COL21A1: variants seen among roughly 807,000 people sequenced by gnomAD.
COL21A1 encodes collagen alpha-1(XXI) chain.
COL21A1 carries 149 observed loss-of-function variants against 137.9 expected under a neutral mutation model. The observed-to-expected ratio is 1.08, with a 90% CI of 0.95 to 1.24. The LOEUF (loss-of-function observed/expected upper bound fraction) is 1.24, where lower values mean the gene tolerates loss of function less well. Among genes scored for constraint, COL21A1 ranks in the 50% most tolerant of loss-of-function variants. COL21A1 has a pLI of 0.00. For synonymous variants in COL21A1, 456 were observed against 391.5 expected (o/e 1.16, Z -1.95); for missense variants, 1,167 against 1,158.4 (o/e 1.01, Z -0.11).
Position 56,077,510 on chromosome 6 carries a change from A to G in COL21A1, c.1857+19T>C, listed in dbSNP as rs1303344682. ...AATGAGCAGATCCAGGCCCAAAGCT[A>G]ACTCTCATGAATACTTACCTTTTGG... On this transcript the variant is annotated intron_variant, in intron 18 of 29. Coordinates refer to ENST00000244728, the MANE Select transcript of COL21A1 (RefSeq NM_030820.4). The G allele has an allele frequency of 6.4e-7, 1 of 1,552,942 alleles. No individual in the cohort carries two copies. The highest frequency in any genetic ancestry group is 1.2e-5 in the South Asian group (1 of 83,840).
At chr6:56,379,107 C>A (rs778341873) in intron 1 of COL21A1, among the ~76,000 whole-genome samples, 1 of 152,114 alleles carries the variant, frequency 6.6e-6, no homozygotes. Context: ...CCAAGAAGGG[C>A]GGGTACAAAC....
intron 1 of COL21A1, among the ~76,000 whole-genome samples, chr6:56,321,323 G>A (rs1764862061): frequency 6.6e-6 from 1 of 152,124 alleles, no homozygotes; most frequent in Non-Finnish European, 1.5e-5. Context: ...AAAAAATTGG[G>A]TTCTCTAGGT....
intron 10 of COL21A1, among the ~76,000 whole-genome samples, chr6:56,151,895 G>A (rs1334970181): frequency 6.6e-6 from 1 of 152,080 alleles, no homozygotes; most frequent in African/African-American, 2.4e-5. Flanking sequence ...ACCACCCAAC[G>A]TCACATTCCC....
chr6:56,231,411 T>C (rs963846458), intron 1 of COL21A1, among the ~76,000 whole-genome samples: 1 of 151,820 alleles, frequency 6.6e-6, no homozygotes, highest in African/African-American at 2.4e-5. Context: ...GTTATTCAGC[T>C]AGGTGTGGGT....
In COL21A1 at chr6:56,355,651, T is replaced by C. The variant is rs79083481; in HGVS notation, c.-39+38320A>G. ...GGTATGATAATGGTATTGTGATTTT[T>C]AAGAGTCCTGTCTTTCAGAAACAAG... On this transcript the variant is annotated intron_variant, in intron 1 of 28. Coordinates refer to the COL21A1 transcript ENST00000370819. Among the ~76,000 whole-genome samples the C allele has an allele frequency of 4.2e-3, 639 of 152,344 alleles. 3 individuals are homozygous for C. The highest frequency in any genetic ancestry group is 0.015 in the African/African-American group (604 of 41,578).
chr6:56,301,116 G>T (rs938788557), intron 1 of COL21A1, among the ~76,000 whole-genome samples: 4 of 152,182 alleles, frequency 2.6e-5, no homozygotes, highest in African/African-American at 2.4e-5. Context: ...GTTTCCCAAA[G>T]ATGTCCACAT....
intron 1 of COL21A1, among the ~76,000 whole-genome samples, chr6:56,229,520 T>A (rs1228408204): frequency 2.0e-5 from 3 of 151,912 alleles, no homozygotes; most frequent in Non-Finnish European, 4.4e-5. Flanking sequence ...CCACAAGAGG[T>A]TAGATTATGC....
intron 1 of COL21A1, among the ~76,000 whole-genome samples, chr6:56,277,854 T>C (rs1763703960): frequency 6.6e-6 from 1 of 152,220 alleles, no homozygotes; most frequent in South Asian, 2.1e-4. Flanking sequence ...AGACTTAACA[T>C]GTATATTTCT....
intron 1 of COL21A1, among the ~76,000 whole-genome samples, chr6:56,239,753 G>A (rs1406735484): frequency 6.6e-6 from 1 of 152,104 alleles, no homozygotes; most frequent in East Asian, 1.9e-4. Flanking sequence ...TGTTGCTATG[G>A]TTTCAATGTG....
intron 1 of COL21A1, among the ~76,000 whole-genome samples, chr6:56,366,458 C>A (rs1370960491): frequency 3.8e-5 from 4 of 105,552 alleles, no homozygotes; most frequent in Non-Finnish European, 7.5e-5. Context: ...ATGGGCTACT[C>A]CCATTTGAAA....
chr6:56,061,935 G>T (rs1316848312), intron 24 of COL21A1, among the ~76,000 whole-genome samples: 1 of 151,992 alleles, frequency 6.6e-6, no homozygotes, highest in African/African-American at 2.4e-5. Flanking sequence ...TTCAAATGCT[G>T]CAGGTTGAAT....
intron 12 of COL21A1, among the ~76,000 whole-genome samples, chr6:56,135,745 G>A (rs921713051): frequency 6.6e-6 from 1 of 152,094 alleles, no homozygotes; most frequent in African/African-American, 2.4e-5. Context: ...GATAAAAACA[G>A]TCCCTACATC....
intron 1 of COL21A1, among the ~76,000 whole-genome samples, chr6:56,326,018 TA>T: frequency 9.7e-4 from 2 of 2,058 alleles, no homozygotes; most frequent in Non-Finnish European, 2.9e-3. Context: ...TATGTATATG[TA>T]TATACATAAT....
intron 1 of COL21A1, among the ~76,000 whole-genome samples, chr6:56,356,881 G>T (rs1027267862): frequency 1.3e-5 from 2 of 152,076 alleles, no homozygotes; most frequent in Admixed American, 6.6e-5. Context: ...TGAAAAAAAT[G>T]TTATGAAATG....
intron 16 of COL21A1, among the ~76,000 whole-genome samples, chr6:56,110,184 A>G (rs1229743517): frequency 2.6e-5 from 4 of 152,000 alleles, no homozygotes; most frequent in African/African-American, 9.7e-5. Context: ...GTAACATACA[A>G]AAATCAATGT....
At chr6:56,149,654 T>C (rs977953916) in intron 10 of COL21A1, among the ~76,000 whole-genome samples, 12 of 152,204 alleles carry the variant, frequency 7.9e-5, no homozygotes, top group African/African-American at 2.4e-4. Context: ...CATTCTCCCA[T>C]GAATCCATAG....
At position 56,164,427 on chromosome 6, in the gene COL21A1, G is replaced by A. The variant is rs527933100; in HGVS notation, c.1367C>T (p.Pro456Leu). ...AGCAAGTTAGGTGTTACCCACTTTG[G>A]GGCCTTGAAGTCCTGGTTTTCCCGG... The part of the protein sequence containing the change: ...CPPGKPGLQG[P>L]KGDPGLPGNP... The change falls in exon 9 of 30, where the codon CCC becomes CTC. Residue 456 changes from proline to leucine, a missense_variant. Coordinates refer to ENST00000244728, the MANE Select transcript of COL21A1 (RefSeq NM_030820.4). 8.8e-4 allele frequency: 1,389 copies of A among 1,577,790 alleles called. 18 individuals carry two copies. In the South Asian group the frequency reaches 0.015, roughly 17 times the overall value.
intron 1 of COL21A1, among the ~76,000 whole-genome samples, chr6:56,192,291 C>T (rs551029039): frequency 8.5e-4 from 129 of 152,220 alleles, no homozygotes; most frequent in African/African-American, 3.0e-3. Context: ...TAGGCATGGG[C>T]AAAGACTTCA....
intron 1 of COL21A1, among the ~76,000 whole-genome samples, chr6:56,206,693 A>ATATAT (rs1779800725): frequency 7.8e-5 from 10 of 127,888 alleles, no homozygotes; most frequent in African/African-American, 1.1e-4. Context: ...TAAATAAATA[A>ATATAT]ATAAATATAT....
Sources: allele counts gnomAD v4.1 joint callset (sites outside exome capture counted in the v4.1 genomes callset), GRCh38; gene constraint gnomAD v4.1.1; transcripts MANE v1.5; gene names NCBI Gene and HGNC (gene_info 2026-07-23, HGNC 2026-07-21).